Variants in ZC3H12B observed in about 807,000 individuals in gnomAD.
ZC3H12B encodes zinc finger CCCH-type containing 12B, also known as probable ribonuclease ZC3H12B.
Under a neutral mutation model 43.9 loss-of-function variants are expected in ZC3H12B, and 7 were observed. That is an observed-to-expected ratio of 0.16 (90% CI 0.09 to 0.30). ZC3H12B has a LOEUF of 0.30. ZC3H12B is among the 10% of genes least tolerant of loss of function. ZC3H12B has a pLI of 1.00. For synonymous variants in ZC3H12B, 222 were observed against 241.7 expected, an observed-to-expected ratio of 0.92 and a Z score of 0.76; for missense variants, 475 against 670.2, an observed-to-expected ratio of 0.71 and a Z score of 3.22.
At chrX:65,292,554 C>T in the ZC3H12B span, among the ~76,000 whole-genome samples, 1 of 110,464 alleles carries the variant, frequency 9.1e-6, no homozygotes, top group East Asian at 2.8e-4. Flanking sequence ...ATCTGTGCAA[C>T]AAGCAAACTA....
chrX:65,100,524 A>T, the ZC3H12B span, among the ~76,000 whole-genome samples: 1 of 101,090 alleles, frequency 9.9e-6, no homozygotes, highest in Admixed American at 1.1e-4. Flanking sequence ...ACATAGGCTC[A>T]AAATAAAGGG....
chrX:65,316,712 T>C, the ZC3H12B span, among the ~76,000 whole-genome samples: 11 of 111,923 alleles, frequency 9.8e-5, no homozygotes, highest in African/African-American at 3.6e-4. Flanking sequence ...ACATAGACCA[T>C]TGATGCTATA....
chrX:65,160,885 C>T, the ZC3H12B span, among the ~76,000 whole-genome samples: 1 of 111,102 alleles, frequency 9.0e-6, no homozygotes, highest in South Asian at 3.8e-4. Context: ...CCTGCTTTCT[C>T]TTGTGGGCAT....
chrX:65,086,045 T>A, the ZC3H12B span, among the ~76,000 whole-genome samples: 1 of 100,131 alleles, frequency 1.0e-5, no homozygotes, highest in Non-Finnish European at 1.9e-5. Context: ...GCTAATAATG[T>A]CTTTTTTTTT....
At chrX:65,455,658 C>A (rs778354702) in intron 3 of ZC3H12B, among the ~76,000 whole-genome samples, 7 of 111,001 alleles carry the variant, frequency 6.3e-5, no homozygotes, top group Non-Finnish European at 1.1e-4. Context: ...GAAGAGCAAC[C>A]CCAAGACACA....
the ZC3H12B span, among the ~76,000 whole-genome samples, chrX:65,289,461 A>G: frequency 9.1e-6 from 1 of 110,259 alleles, no homozygotes; most frequent in East Asian, 2.8e-4. Flanking sequence ...TACCCATGTA[A>G]CAAACCTGCA....
At chrX:65,253,511 C>A in the ZC3H12B span, among the ~76,000 whole-genome samples, 3 of 112,154 alleles carry the variant, frequency 2.7e-5, no homozygotes, top group Non-Finnish European at 5.6e-5. Flanking sequence ...CAGCCAGGGG[C>A]TCCCATAGCC....
At chrX:65,129,447 A>T in the ZC3H12B span, among the ~76,000 whole-genome samples, 1 of 109,065 alleles carries the variant, frequency 9.2e-6, no homozygotes, top group Admixed American at 9.9e-5. Flanking sequence ...GGATTTGGGT[A>T]GGTAATGGAA....
chrX:65,412,793 T>C (rs1001364625), intron 3 of ZC3H12B, among the ~76,000 whole-genome samples: 1 of 111,616 alleles, frequency 9.0e-6, no homozygotes, highest in Admixed American at 9.5e-5. Context: ...TTCTATTATA[T>C]ACCTAGCCCT....
chrX:65,159,810 G>T, the ZC3H12B span, among the ~76,000 whole-genome samples: 1 of 111,967 alleles, frequency 8.9e-6, no homozygotes, highest in Non-Finnish European at 1.9e-5. Flanking sequence ...TGGAAGAGGA[G>T]TGGTGAGAGA....
At chrX:65,348,617 C>A in the ZC3H12B span, among the ~76,000 whole-genome samples, 1 of 107,294 alleles carries the variant, frequency 9.3e-6, no homozygotes, top group Admixed American at 1.0e-4. Context: ...TCAGGAGACC[C>A]ATCGACATGC....
chrX:65,091,599 G>A, the ZC3H12B span, among the ~76,000 whole-genome samples: 1 of 111,926 alleles, frequency 8.9e-6, no homozygotes, highest in African/African-American at 3.3e-5. Context: ...AAGGTGTGAT[G>A]TAACATGTTA....
the ZC3H12B span, among the ~76,000 whole-genome samples, chrX:65,099,346 G>A: frequency 1.3e-3 from 140 of 111,750 alleles, 1 homozygote; most frequent in African/African-American, 4.4e-3. Context: ...TCCTGACAAG[G>A]GGAGTTCTCC....
chrX:65,401,791 T>A (rs1209395008), intron 3 of ZC3H12B, among the ~76,000 whole-genome samples: 2 of 111,460 alleles, frequency 1.8e-5, no homozygotes. Context: ...AGGCCCCCAT[T>A]TCAGGCTCTA....
At chrX:65,334,256 G>A in the ZC3H12B span, among the ~76,000 whole-genome samples, 11 of 111,956 alleles carry the variant, frequency 9.8e-5, no homozygotes, top group East Asian at 1.4e-3. Flanking sequence ...TGAAAAAACT[G>A]AATAATACTC....
At chrX:65,135,919 G>A in the ZC3H12B span, among the ~76,000 whole-genome samples, 1 of 110,163 alleles carries the variant, frequency 9.1e-6, no homozygotes, top group Non-Finnish European at 1.9e-5. Context: ...CTTTGCTGAA[G>A]TTCTCTATTT....
chrX:65,251,644 AG>A, the ZC3H12B span, among the ~76,000 whole-genome samples: 1 of 111,535 alleles, frequency 9.0e-6, no homozygotes, highest in Non-Finnish European at 1.9e-5. Flanking sequence ...CTCCTTGAAA[AG>A]GTCCTTCACA....
chrX:65,063,293 G>C, the ZC3H12B span, among the ~76,000 whole-genome samples: 1 of 111,659 alleles, frequency 9.0e-6, no homozygotes, highest in African/African-American at 3.3e-5. Flanking sequence ...TATTGGCTGT[G>C]GGTTTGTCAT....
At chrX:65,193,760 T>G in the ZC3H12B span, among the ~76,000 whole-genome samples, 1 of 112,110 alleles carries the variant, frequency 8.9e-6, no homozygotes, top group Non-Finnish European at 1.9e-5. Flanking sequence ...GTGTAGGAAT[T>G]TTTACCTATA....
Sources: allele counts gnomAD v4.1 joint callset (sites outside exome capture counted in the v4.1 genomes callset), GRCh38; gene constraint gnomAD v4.1.1; transcripts MANE v1.5; gene names NCBI Gene and HGNC (gene_info 2026-07-23, HGNC 2026-07-21).